INPP4B: variants seen among roughly 807,000 people sequenced by gnomAD.
INPP4B encodes the protein inositol polyphosphate-4-phosphatase type II B.
A neutral mutation model predicts 122.5 loss-of-function variants in INPP4B; 55 were observed. The ratio of observed to expected loss-of-function variants is 0.45; its 90% CI spans 0.36 to 0.56. INPP4B has a LOEUF of 0.56. INPP4B is among the 20% of genes least tolerant of loss of function. The probability of loss-of-function intolerance (pLI) is 0.00; values close to 1 mark genes in which losing one functional copy is unlikely to be tolerated. For missense variants in INPP4B, 1,000 were observed against 1,097.7 expected (o/e 0.91, Z 1.26); for synonymous variants, 403 against 388.7 (o/e 1.04, Z -0.43).
At position 142,086,265 on chromosome 4, in the gene INPP4B, GA is replaced by G; in HGVS notation, c.2375-10del. The G allele has an allele frequency of 2.1e-6, 3 of 1,440,212 alleles. No individual in the cohort carries two copies. The highest frequency in any genetic ancestry group is 2.9e-6 in the Non-Finnish European group (3 of 1,023,730). 89.2% of individuals were successfully genotyped at this position (1,440,212 alleles called of 1,614,324 possible). A position where few individuals can be genotyped will look rare whatever the true frequency, so the allele number is the denominator to read the frequency against. On this transcript the variant is annotated splice_polypyrimidine_tract_variant and intron_variant, in intron 23 of 25. Transcript: ENST00000262992. ...CTGAAAATGTGAAATATCTGAAGGGGAAAAAACAAAGGAGAAAAATAAAATG... is the reference window on the plus strand; with the variant it reads ...CTGAAAATGTGAAATATCTGAAGGGGAAAAACAAAGGAGAAAAATAAAATG...
In INPP4B at chr4:142,133,097, G is replaced by A. The variant is rs143308391; in HGVS notation, c.1721-8337C>T. On this transcript the variant is annotated intron_variant, in intron 18 of 25. Coordinates refer to ENST00000262992, the MANE Select transcript of INPP4B (RefSeq NM_001101669.3). ...TTGTATTCCTCCTACCTCACTGGCC[G>A]TCTCTTGCCCAACTTTGTTGCTGGT... Among the ~76,000 whole-genome samples, 493 of 152,164 alleles carry A rather than the reference G, an allele frequency of 3.2e-3. 3 individuals carry two copies. Among genetic ancestry groups the A allele is most frequent in the African/African-American group, 0.011 (444 of 41,518 alleles).
intron 3 of INPP4B, among the ~76,000 whole-genome samples, chr4:142,443,185 G>A (rs1241181242): frequency 2.0e-5 from 3 of 152,140 alleles, no homozygotes; most frequent in Non-Finnish European, 4.4e-5. Context: ...CTGTGGGCTA[G>A]CATGAGAATA....
rs538652407 is a variant in INPP4B at position 142,449,908 on chromosome 4, T to C, written c.-127+12755A>G. On this transcript the variant is annotated intron_variant, in intron 3 of 25. Coordinates refer to ENST00000262992, the MANE Select transcript of INPP4B (RefSeq NM_001101669.3). Reference sequence around the variant, plus strand: ...GACTTTCTAGACTATTGACTGGAGCTGTCCTGGATTCTAGCCTAGGCTTCA... The same window carrying C: ...GACTTTCTAGACTATTGACTGGAGCCGTCCTGGATTCTAGCCTAGGCTTCA... Among the ~76,000 whole-genome samples, 3 of 152,308 alleles carry C rather than the reference T, an allele frequency of 2.0e-5. No individual in the cohort carries two copies. In the South Asian group the frequency reaches 6.2e-4, roughly 32 times the overall value.
intron 3 of INPP4B, among the ~76,000 whole-genome samples, chr4:142,446,169 G>T (rs1051282094): frequency 6.6e-6 from 1 of 151,678 alleles, no homozygotes; most frequent in Non-Finnish European, 1.5e-5. Context: ...AGCTGATGAA[G>T]ATTTATTTTC....
chr4:142,404,853 T>G (rs1802821270), intron 6 of INPP4B, among the ~76,000 whole-genome samples: 1 of 152,154 alleles, frequency 6.6e-6, no homozygotes, highest in South Asian at 2.1e-4. Flanking sequence ...GTCTGTATGT[T>G]GTTTTTCTTT....
chr4:142,727,154 C>T (rs1765445101), intron 1 of INPP4B, among the ~76,000 whole-genome samples: 1 of 152,106 alleles, frequency 6.6e-6, no homozygotes, highest in Non-Finnish European at 1.5e-5. Context: ...CTGGGTCTTT[C>T]AGGCTGGTGG....
intron 14 of INPP4B, among the ~76,000 whole-genome samples, chr4:142,204,551 G>T (rs574748740): frequency 7.9e-5 from 12 of 151,780 alleles, no homozygotes. Context: ...CTTGTACCTC[G>T]CAAGAAAGAT....
At chr4:142,630,429 G>T (rs1357320152) in intron 2 of INPP4B, among the ~76,000 whole-genome samples, 1 of 152,006 alleles carries the variant, frequency 6.6e-6, no homozygotes, top group East Asian at 1.9e-4. Flanking sequence ...ACACATTAGT[G>T]ATGTTTATGT....
At chr4:142,569,893 A>G (rs1455011601) in intron 2 of INPP4B, among the ~76,000 whole-genome samples, 1 of 152,042 alleles carries the variant, frequency 6.6e-6, no homozygotes, top group Non-Finnish European at 1.5e-5. Context: ...TCATACATAA[A>G]TTTTCTGTGT....
rs546412128 is a variant in INPP4B at position 142,120,626 on chromosome 4, G to A, written c.2135+1502C>T. On this transcript the variant is annotated intron_variant, in intron 21 of 25. Coordinates refer to ENST00000262992, the MANE Select transcript of INPP4B (RefSeq NM_001101669.3). ...AACCACCATTTCTGACAACTTTCAGGACTGTGCTATTTCCTACTCCAATCC... is the reference window on the plus strand; with the variant it reads ...AACCACCATTTCTGACAACTTTCAGAACTGTGCTATTTCCTACTCCAATCC... Among the ~76,000 whole-genome samples, 116 of 152,070 alleles carry A rather than the reference G, an allele frequency of 7.6e-4. 2 individuals carry two copies. The Middle Eastern group carries it at 0.031, about 40-fold the overall frequency.
intron 1 of INPP4B, among the ~76,000 whole-genome samples, chr4:142,796,248 G>T (rs988372318): frequency 5.9e-5 from 9 of 151,932 alleles, no homozygotes; most frequent in Non-Finnish European, 1.5e-5. Context: ...GAGGATTCTT[G>T]TTCGATTTGA....
intron 1 of INPP4B, among the ~76,000 whole-genome samples, chr4:142,828,596 C>A (rs1224269327): frequency 6.6e-6 from 1 of 152,118 alleles, no homozygotes; most frequent in Non-Finnish European, 1.5e-5. Context: ...CAACTCAGAT[C>A]TCTTAAGAAT....
intron 1 of INPP4B, among the ~76,000 whole-genome samples, chr4:142,740,788 T>C (rs979697278): frequency 1.3e-5 from 2 of 152,026 alleles, no homozygotes; most frequent in African/African-American, 2.4e-5. Context: ...AAATGCATAA[T>C]CCACAATCCT....
At chr4:142,736,309 A>G (rs75942934) in intron 1 of INPP4B, among the ~76,000 whole-genome samples, 1 of 152,020 alleles carries the variant, frequency 6.6e-6, no homozygotes, top group African/African-American at 2.4e-5. Flanking sequence ...TTTCTATGAA[A>G]CTTGCTCTTG....
chr4:142,414,508 C>G (rs1037840701), intron 5 of INPP4B, among the ~76,000 whole-genome samples: 10 of 152,106 alleles, frequency 6.6e-5, no homozygotes, highest in African/African-American at 2.4e-4. Context: ...AATGAAGATA[C>G]CAGCTGTACA....
Position 142,545,759 on chromosome 4 carries a change from G to GTGTGTATATATATACACATA in INPP4B, c.-190-83034_-190-83033insTATGTGTATATATATACACA, listed in dbSNP as rs1560782243. ...CATATATGTGTATATATATACACATGTATATGTGTGTATATATATACACAT... is the reference window on the plus strand; with the variant it reads ...CATATATGTGTATATATATACACATGTGTGTATATATATACACATATATATGTGTGTATATATATACACAT... On this transcript the variant is annotated intron_variant, in intron 2 of 25. Coordinates refer to ENST00000262992, the MANE Select transcript of INPP4B (RefSeq NM_001101669.3). 7.7e-3 allele frequency among the ~76,000 whole-genome samples: 543 copies of GTGTGTATATATATACACATA among 70,672 alleles called. 35 individuals carry two copies. Among genetic ancestry groups the GTGTGTATATATATACACATA allele is most frequent in the African/African-American group, 0.024 (521 of 21,380 alleles). The allele number at this position is 70,672 out of a possible 152,430, so 46.4% of individuals were successfully genotyped here. A position where few individuals can be genotyped will look rare whatever the true frequency, so the allele number is the denominator to read the frequency against.
At chr4:142,162,917 T>G (rs1208297186) in intron 16 of INPP4B, among the ~76,000 whole-genome samples, 1 of 151,952 alleles carries the variant, frequency 6.6e-6, no homozygotes. Flanking sequence ...ACCAGTATCC[T>G]GTGTAGAGAA....
intron 22 of INPP4B, among the ~76,000 whole-genome samples, chr4:142,110,270 G>A (rs1358946918): frequency 6.6e-6 from 1 of 152,074 alleles, no homozygotes; most frequent in African/African-American, 2.4e-5. Context: ...TTGTCTGACA[G>A]CCAGAAAAAG....
At chr4:142,772,387 A>G (rs1773217838) in intron 1 of INPP4B, among the ~76,000 whole-genome samples, 1 of 152,148 alleles carries the variant, frequency 6.6e-6, no homozygotes, top group Non-Finnish European at 1.5e-5. Flanking sequence ...GCTGTGAAAG[A>G]GAATGAAGCA....
Sources: gnomAD v4.1 joint callset for allele counts (sites outside exome capture counted in the v4.1 genomes callset) on GRCh38, gnomAD v4.1.1 for gene constraint, MANE v1.5 for transcripts, NCBI Gene and HGNC (gene_info 2026-07-23, HGNC 2026-07-21) for gene names.